The following EYA2 variants were observed in gnomAD, a reference collection of about 807,000 sequenced individuals.
EYA2 encodes EYA transcriptional coactivator and phosphatase 2, also known as protein phosphatase EYA2.
EYA2 carries 31 observed loss-of-function variants against 69.2 expected under a neutral mutation model. The ratio of observed to expected loss-of-function variants is 0.45; its 90% CI spans 0.34 to 0.60. The LOEUF (loss-of-function observed/expected upper bound fraction) is 0.60, where lower values mean the gene tolerates loss of function less well. Ranked by LOEUF, EYA2 falls within the 20% of genes least tolerant of loss-of-function variation. The probability of loss-of-function intolerance (pLI) is 0.02; values close to 1 mark genes in which losing one functional copy is unlikely to be tolerated. For missense variants in EYA2, 622 were observed against 701.2 expected, an observed-to-expected ratio of 0.89 and a Z score of 1.28; for synonymous variants, 257 against 279.4, an observed-to-expected ratio of 0.92 and a Z score of 0.80.
chr20:46,995,784 T>G (rs1475830076), intron 2 of EYA2, among the ~76,000 whole-genome samples: 1 of 152,194 alleles, frequency 6.6e-6, no homozygotes, highest in Non-Finnish European at 1.5e-5. Flanking sequence ...AGTGTGAACA[T>G]TCAAATTGTG....
At chr20:47,118,485 C>A (rs6122555) in intron 9 of EYA2, among the ~76,000 whole-genome samples, 43 of 139,240 alleles carry the variant, frequency 3.1e-4, no homozygotes, top group African/African-American at 9.1e-4. Flanking sequence ...GAGAGATGTC[C>A]CGGAGGTGAA....
At chr20:46,969,008 C>G (rs1010327866) in intron 1 of EYA2, among the ~76,000 whole-genome samples, 4 of 151,792 alleles carry the variant, frequency 2.6e-5, no homozygotes, top group Non-Finnish European at 5.9e-5. Context: ...AGCACTTGCT[C>G]GGTGTGATGA....
At chr20:46,911,471 T>G (rs1984640860) in intron 1 of EYA2, among the ~76,000 whole-genome samples, 1 of 152,202 alleles carries the variant, frequency 6.6e-6, no homozygotes, top group Non-Finnish European at 1.5e-5. Flanking sequence ...TTTGATTTAG[T>G]CCTAAGTGGA....
At chr20:47,156,315 C>G (rs1021569165) in intron 10 of EYA2, among the ~76,000 whole-genome samples, 1 of 149,366 alleles carries the variant, frequency 6.7e-6, no homozygotes. Flanking sequence ...GCCTGGGCAA[C>G]AGAGCAAGAC....
At chr20:47,010,498 G>A (rs1296702674) in intron 4 of EYA2, among the ~76,000 whole-genome samples, 2 of 152,078 alleles carry the variant, frequency 1.3e-5, no homozygotes, top group African/African-American at 2.4e-5. Flanking sequence ...GGGCGTGGTG[G>A]CACACACGTG....
chr20:46,943,515 G>T, intron 1 of EYA2, among the ~76,000 whole-genome samples: 1 of 152,212 alleles, frequency 6.6e-6, no homozygotes, highest in Admixed American at 6.5e-5. Flanking sequence ...CCTGGGAACT[G>T]CTGTTGGATG....
At chr20:47,086,931 CAA>C (rs34870579) in intron 7 of EYA2, among the ~76,000 whole-genome samples, 35,027 of 151,766 alleles carry the variant, frequency 0.23, 4,272 homozygotes, top group Middle Eastern at 0.31. Context: ...GGGGGGCAAA[CAA>C]ATGTTTTCTA....
intron 5 of EYA2, among the ~76,000 whole-genome samples, chr20:47,064,241 G>C (rs2031022000): frequency 6.6e-6 from 1 of 152,202 alleles, no homozygotes; most frequent in Non-Finnish European, 1.5e-5. Context: ...ATAGGTATGA[G>C]CCACCATGCC....
chr20:47,128,363 A>G (rs1401708982), intron 9 of EYA2, among the ~76,000 whole-genome samples: 3 of 152,228 alleles, frequency 2.0e-5, no homozygotes, highest in Non-Finnish European at 4.4e-5. Context: ...CCAGCATTGC[A>G]GTTATCAGAG....
rs1210382545 is a variant in EYA2, at chr20:47,135,838, A to AAAAC, written c.889-7205_889-7202dup. Among the ~76,000 whole-genome samples, 62 of 81,738 alleles carry AAAAC rather than the reference A, an allele frequency of 7.6e-4. 1 individual carries two copies. The highest frequency in any genetic ancestry group is 2.7e-3 in the African/African-American group (33 of 12,210). 53.6% of individuals were successfully genotyped at this position (81,738 alleles called of 152,430 possible). On this transcript the variant is annotated intron_variant, in intron 9 of 15. Transcript: ENST00000327619. ...CTCTACAAAAAAAAAAAAAAAAAAA[A>AAAAC]AAACAAACAAACAAACAAAAAACTA... is the stretch of plus-strand genomic sequence containing the variant.
intron 1 of EYA2, among the ~76,000 whole-genome samples, chr20:46,960,906 G>C (rs1979436143): frequency 6.6e-6 from 1 of 152,134 alleles, no homozygotes; most frequent in African/African-American, 2.4e-5. Flanking sequence ...AAACGAGTGG[G>C]CATTTCTGCA....
At chr20:47,152,751 C>T (rs913120906) in intron 10 of EYA2, among the ~76,000 whole-genome samples, 15 of 148,388 alleles carry the variant, frequency 1.0e-4, no homozygotes, top group African/African-American at 3.7e-4. Flanking sequence ...GCAATGGTCG[C>T]GGTGAGCCGA....
intron 7 of EYA2, among the ~76,000 whole-genome samples, chr20:47,077,607 G>T (rs1026404957): frequency 6.6e-6 from 1 of 152,128 alleles, no homozygotes; most frequent in African/African-American, 2.4e-5. Flanking sequence ...ATTGATTTTA[G>T]CCCTTAAATT....
At chr20:46,983,453 C>T (rs765433122) in intron 1 of EYA2, among the ~76,000 whole-genome samples, 1 of 152,114 alleles carries the variant, frequency 6.6e-6, no homozygotes, top group Non-Finnish European at 1.5e-5. Flanking sequence ...CCTTTAGGGT[C>T]CCAGTTAAAA....
intron 1 of EYA2, among the ~76,000 whole-genome samples, chr20:46,921,232 G>A (rs4810576): frequency 0.27 from 41,085 of 152,196 alleles, 6,165 homozygotes; most frequent in Non-Finnish European, 0.33. Context: ...TTGGAGCCTC[G>A]TAGGTGAGAC....
At chr20:47,113,581 A>G (rs530285739) in intron 9 of EYA2, among the ~76,000 whole-genome samples, 10 of 152,332 alleles carry the variant, frequency 6.6e-5, no homozygotes, top group Admixed American at 4.6e-4. Context: ...CAGCCTCCAC[A>G]TCCACACTCG....
intron 10 of EYA2, among the ~76,000 whole-genome samples, chr20:47,168,225 T>G (rs1046056502): frequency 8.6e-5 from 13 of 151,902 alleles, no homozygotes; most frequent in Admixed American, 5.9e-4. Flanking sequence ...AGAGTCTTGC[T>G]CTGTCATGCA....
chr20:47,177,197 C>T (rs565882092), intron 12 of EYA2, among the ~76,000 whole-genome samples: 7 of 152,248 alleles, frequency 4.6e-5, no homozygotes, highest in East Asian at 1.9e-4. Flanking sequence ...ACTGCACCCT[C>T]GACCTCCTAG....
intron 4 of EYA2, 63 bp from the exon 5 acceptor site, chr20:47,016,118 G>C: frequency 8.2e-7 from 1 of 1,213,802 alleles, no homozygotes; most frequent in African/African-American, 1.5e-5. Flanking sequence ...TCTTTTGTGG[G>C]TGACAAGGAC....
Sources: gnomAD v4.1 joint callset for allele counts (sites outside exome capture counted in the v4.1 genomes callset) on GRCh38, gnomAD v4.1.1 for gene constraint, MANE v1.5 for transcripts, NCBI Gene and HGNC (gene_info 2026-07-23, HGNC 2026-07-21) for gene names.